The following STPG4 variants were observed in gnomAD, a reference collection of about 807,000 sequenced individuals.
STPG4 encodes the protein protein STPG4.
In STPG4, 41 loss-of-function variants were observed where a neutral mutation model predicts 31.5. The observed-to-expected ratio is 1.30, with a 90% CI of 1.01 to 1.69. STPG4 has a LOEUF of 1.69. Ranked by LOEUF, STPG4 falls within the 40% of genes most tolerant of loss-of-function variation. STPG4 has a pLI of 0.00. For missense variants in STPG4, 375 were observed against 293.4 expected (o/e 1.28, Z -2.03); for synonymous variants, 141 against 103.0 (o/e 1.37, Z -2.24).
At chr2:47,154,838 G>A (rs1396289625) in intron 1 of STPG4, among the ~76,000 whole-genome samples, 1 of 152,224 alleles carries the variant, frequency 6.6e-6, no homozygotes, top group Admixed American at 6.5e-5. Flanking sequence ...TCTTCCGGCA[G>A]ATGGAGCGGA....
intron 5 of STPG4, among the ~76,000 whole-genome samples, chr2:47,102,607 G>T (rs1240832866): frequency 1.3e-5 from 2 of 151,748 alleles, no homozygotes; most frequent in Non-Finnish European, 1.5e-5. Context: ...TCCCACAGGA[G>T]GACCCCTCAG....
chr2:47,132,161 T>C (rs1464749966), intron 3 of STPG4, among the ~76,000 whole-genome samples: 1 of 116,874 alleles, frequency 8.6e-6, no homozygotes, highest in African/African-American at 3.4e-5. Flanking sequence ...CGAGACTCAC[T>C]CTGAAAAAAA....
At chr2:47,130,841 G>C (rs1052903743) in intron 3 of STPG4, among the ~76,000 whole-genome samples, 2 of 151,200 alleles carry the variant, frequency 1.3e-5, no homozygotes, top group African/African-American at 4.9e-5. Context: ...TTTTGAGATA[G>C]GTTCTCTGTT....
chr2:47,130,586 G>T (rs111788935), intron 3 of STPG4, among the ~76,000 whole-genome samples: 2 of 152,114 alleles, frequency 1.3e-5, no homozygotes, highest in South Asian at 4.2e-4. Flanking sequence ...CGTGATTTCC[G>T]CTCGCTGCAG....
intron 5 of STPG4, among the ~76,000 whole-genome samples, chr2:47,122,480 A>G (rs1009549250): frequency 6.6e-6 from 1 of 152,264 alleles, no homozygotes; most frequent in African/African-American, 2.4e-5. Flanking sequence ...TTTTTAATCA[A>G]TATGAAATTT....
intron 3 of STPG4, among the ~76,000 whole-genome samples, chr2:47,150,235 C>T (rs1457532017): frequency 6.6e-6 from 1 of 152,218 alleles, no homozygotes; most frequent in African/African-American, 2.4e-5. Context: ...TCTACGTAAG[C>T]CACGGAGCTT....
rs557999806 is a variant in STPG4 at position 47,107,364 on chromosome 2, C to T, written c.520-16990G>A. Among the ~76,000 whole-genome samples, 6 of 152,244 alleles carry T rather than the reference C, an allele frequency of 3.9e-5. No individual in the cohort carries two copies. In the East Asian group the frequency reaches 5.8e-4, roughly 15 times the overall value. On this transcript the variant is annotated intron_variant, in intron 5 of 6. Coordinates refer to ENST00000445927, the MANE Select transcript of STPG4 (RefSeq NM_001163561.2). The stretch of plus-strand genomic sequence containing the variant: ...GGGTGGGCATGGGCTTGGTGGGCCC[C>T]GCACTCGGAGCAGCTGGCCGGCCCT...
chr2:47,132,426 T>A (rs1334058664), intron 3 of STPG4, among the ~76,000 whole-genome samples: 1 of 152,364 alleles, frequency 6.6e-6, no homozygotes, highest in East Asian at 1.9e-4. Flanking sequence ...AGTTCACTAC[T>A]ATATTTCACC....
At chr2:47,136,489 C>G (rs1479134046) in intron 3 of STPG4, among the ~76,000 whole-genome samples, 1 of 152,134 alleles carries the variant, frequency 6.6e-6, no homozygotes, top group Non-Finnish European at 1.5e-5. Context: ...TTGTTTTCCT[C>G]ATTTAGATCG....
chr2:47,119,348 G>A (rs1181997323), intron 5 of STPG4, among the ~76,000 whole-genome samples: 4 of 152,198 alleles, frequency 2.6e-5, no homozygotes, highest in African/African-American at 4.8e-5. Context: ...AATGGATGAG[G>A]TGATATCAGT....
At chr2:47,127,044 T>C (rs1299660644) in intron 5 of STPG4, among the ~76,000 whole-genome samples, 2 of 152,090 alleles carry the variant, frequency 1.3e-5, no homozygotes, top group African/African-American at 2.4e-5. Context: ...ACTTCAATAT[T>C]TCTATTTTTC....
intron 5 of STPG4, among the ~76,000 whole-genome samples, chr2:47,100,375 G>A (rs1685769165): frequency 6.7e-6 from 1 of 149,684 alleles, no homozygotes; most frequent in African/African-American, 2.5e-5. Flanking sequence ...TGGGGCCTTG[G>A]AGAACCTTTG....
intron 5 of STPG4, among the ~76,000 whole-genome samples, chr2:47,099,022 C>A (rs1685733694): frequency 6.6e-6 from 1 of 152,204 alleles, no homozygotes; most frequent in African/African-American, 2.4e-5. Context: ...GGCGATACCT[C>A]TGAAGTCTAC....
At chr2:47,132,496 A>T (rs1686505525) in intron 3 of STPG4, among the ~76,000 whole-genome samples, 1 of 152,218 alleles carries the variant, frequency 6.6e-6, no homozygotes, top group Non-Finnish European at 1.5e-5. Context: ...CTTTTTGTGG[A>T]TAGAGTGATG....
intron 5 of STPG4, among the ~76,000 whole-genome samples, chr2:47,109,877 T>C (rs185594238): frequency 6.6e-6 from 1 of 152,334 alleles, no homozygotes; most frequent in African/African-American, 2.4e-5. Flanking sequence ...GAGGGCATAG[T>C]CTATGCCACA....
At chr2:47,090,223 A>T (rs1344524880) in intron 6 of STPG4, 47 bp downstream of exon 6, 12 of 1,334,712 alleles carry the variant, frequency 9.0e-6, no homozygotes, top group African/African-American at 1.5e-5. Context: ...TACCACCATA[A>T]CCATACCCCT....
Position 47,129,971 on chromosome 2 carries a change from A to C in STPG4, c.489T>G (p.Val163=). Residue 163 remains valine, a synonymous_variant, in exon 5 of 7, where the codon GTT becomes GTG. Transcript: ENST00000445927. The part of the protein sequence containing the change: ...ASRSCVFRST[V]QRFPTTYFIP... ...TAAAATAGGTTGTTGGGAATCTTTG[A>C]ACTGTTGAGCGAAATACACAGCTCC... 6.3e-7 allele frequency: 1 copy of C among 1,596,880 alleles called. No individual in the cohort carries two copies. The highest frequency in any genetic ancestry group is 8.6e-7 in the Non-Finnish European group (1 of 1,165,086).
chr2:47,110,768 A>G (rs1686017436), intron 5 of STPG4, among the ~76,000 whole-genome samples: 1 of 152,204 alleles, frequency 6.6e-6, no homozygotes, highest in Admixed American at 6.5e-5. Context: ...TCTCAATTTG[A>G]TCCTGCATTT....
At chr2:47,115,667 T>C (rs1323653857) in intron 5 of STPG4, among the ~76,000 whole-genome samples, 1 of 149,916 alleles carries the variant, frequency 6.7e-6, no homozygotes, top group Non-Finnish European at 1.5e-5. Context: ...TTTTTTTTTT[T>C]TTTGAGACAG....
Sources: allele counts gnomAD v4.1 joint callset (sites outside exome capture counted in the v4.1 genomes callset), GRCh38; gene constraint gnomAD v4.1.1; transcripts MANE v1.5; gene names NCBI Gene and HGNC (gene_info 2026-07-23, HGNC 2026-07-21).